The following DNAH2 variants were observed in gnomAD, a reference collection of about 807,000 sequenced individuals.
DNAH2 encodes the protein dynein axonemal heavy chain 2, also known as axonemal beta dynein heavy chain 2.
A neutral mutation model predicts 523.5 loss-of-function variants in DNAH2; 323 were observed. The ratio of observed to expected loss-of-function variants is 0.62; its 90% CI spans 0.56 to 0.68. The LOEUF (loss-of-function observed/expected upper bound fraction) is 0.68. Ranked by LOEUF, DNAH2 falls within the 30% of genes least tolerant of loss-of-function variation. DNAH2 has a pLI of 0.00. For missense variants in DNAH2, 4,907 were observed against 5,701.5 expected, an observed-to-expected ratio of 0.86 and a Z score of 4.49; for synonymous variants, 2,093 against 2,177.4, an observed-to-expected ratio of 0.96 and a Z score of 1.08.
chr17:7,833,565 G>T lies in DNAH2; in HGVS notation c.*32G>T. On this transcript the variant is annotated 3_prime_UTR_variant, in exon 86 of 86. Transcript: ENST00000572933. Reference sequence around the variant, plus strand: ...CTCCTCTTCTCCGCTTGAGAGAGAGGGTCAGGGACTCCAGGAGCTAAGACA... The same window carrying T: ...CTCCTCTTCTCCGCTTGAGAGAGAGTGTCAGGGACTCCAGGAGCTAAGACA... The T allele has an allele frequency of 6.2e-7, 1 of 1,610,194 alleles. No homozygotes were observed. Among genetic ancestry groups the T allele is most frequent in the Non-Finnish European group, 8.5e-7 (1 of 1,179,756 alleles).
chr17:7,788,993 T>C (rs1425837347), intron 44 of DNAH2, among the ~76,000 whole-genome samples: 2 of 152,086 alleles, frequency 1.3e-5, no homozygotes, highest in Non-Finnish European at 2.9e-5. Flanking sequence ...GGTGAAACCC[T>C]GTCTCTACTA....
rs200999523 is a variant in DNAH2 at position 7,786,721 on chromosome 17, C to G, written c.6466+34C>G. On this transcript the variant is annotated intron_variant, in intron 41 of 85. Transcript: ENST00000572933. The surrounding 1 kb of genome is among the most constrained non-coding windows in gnomAD (Gnocchi z 7.5). ...AGGATCGTGGGGTGTGGAGAGCAGA[C>G]GCCTGAGTCTCCTAAGGGGGCAGGG... 2 of 1,607,722 alleles carry G rather than the reference C, an allele frequency of 1.2e-6. No individual in the cohort carries two copies. The highest frequency in any genetic ancestry group is 2.2e-5 in the South Asian group (2 of 90,824).
chr17:7,811,722 G>A (rs1054491456), intron 63 of DNAH2, among the ~76,000 whole-genome samples: 3 of 152,194 alleles, frequency 2.0e-5, no homozygotes, highest in South Asian at 2.1e-4. Context: ...CCCTACCCCC[G>A]TGACCTAATC....
At position 7,760,897 on chromosome 17, in the gene DNAH2, C is replaced by T; in HGVS notation, c.2943C>T (p.Asn981=). 2 of 1,614,190 alleles carry T rather than the reference C, an allele frequency of 1.2e-6. No homozygotes were observed. The highest frequency in any genetic ancestry group is 1.7e-6 in the Non-Finnish European group (2 of 1,180,028). ...TCATTCATCGCTACCAGCGCCTCAA[C>T]CCTCCTGTCTCTTCTTTTGTTGCCG... ...DSFIHRYQRL[N]PPVSSFVADI... The change falls in exon 18 of 86, where the codon AAC becomes AAT. Residue 981 remains asparagine, a synonymous_variant. Transcript: ENST00000572933. The surrounding 1 kb of genome is among the most constrained non-coding windows in gnomAD (Gnocchi z 4.0).
chr17:7,821,268 C>A lies in DNAH2; in HGVS notation c.11041C>A (p.Arg3681Ser), dbSNP rs761347327. The change falls in exon 73 of 86, where the codon CGC becomes AGC. Residue 3681 changes from arginine (R) to serine (S), a missense_variant. This residue lies in a region of DNAH2 where 1,851 missense variants were observed against 2,139.4 expected (regional missense o/e 0.87). Transcript: ENST00000572933. This position sits in a 1 kb window ranked among gnomAD's most constrained non-coding sequence, Gnocchi z 5.0. ...GTACACCTGCCGTACCCTTTTCGAA[C>A]GCCACAAACTACTATTCAGTTTTCA... The part of the protein sequence containing the change: ...YRYTCRTLFE[R>S]HKLLFSFHMC... 6.2e-7 allele frequency: 1 copy of A among 1,613,556 alleles called. No homozygotes were observed. Among genetic ancestry groups the A allele is most frequent in the African/African-American group, 1.3e-5 (1 of 74,892 alleles).
At chr17:7,720,952 G>A (rs1015316708) in intron 2 of DNAH2, among the ~76,000 whole-genome samples, 2 of 150,824 alleles carry the variant, frequency 1.3e-5, no homozygotes, top group East Asian at 1.9e-4. Flanking sequence ...GTTGGCCTTC[G>A]AACAGCAAGG....
rs1197278242 is a variant in DNAH2 at position 7,807,999 on chromosome 17, G to A, written c.9729+413G>A. On this transcript the variant is annotated intron_variant, in intron 63 of 85. Coordinates refer to ENST00000572933, the MANE Select transcript of DNAH2 (RefSeq NM_020877.5). This position sits in a 1 kb window ranked among gnomAD's most constrained non-coding sequence, Gnocchi z 5.6. The stretch of plus-strand genomic sequence containing the variant: ...GTGAGGGTGTCTGTGCATATGTTGT[G>A]TGGGGACGGGCTCTCCCAGAGGCCA... 1.3e-5 allele frequency among the ~76,000 whole-genome samples: 2 copies of A among 152,178 alleles called. No individual in the cohort carries two copies. Among genetic ancestry groups the A allele is most frequent in the Admixed American group, 1.3e-4 (2 of 15,264 alleles).
At chr17:7,751,920 G>GGT (rs1555544367) in intron 12 of DNAH2, among the ~76,000 whole-genome samples, 2,686 of 145,908 alleles carry the variant, frequency 0.018, 31 homozygotes, top group Non-Finnish European at 0.022. Flanking sequence ...ATAGTTGTGG[G>GGT]GTGTGTGTGT....
chr17:7,731,541 T>A (rs2543541), intron 4 of DNAH2, among the ~76,000 whole-genome samples: 87,345 of 151,890 alleles, frequency 0.58, 25,628 homozygotes, highest in South Asian at 0.74. Flanking sequence ...GATTTTAATT[T>A]AATTTTCTAT....
At chr17:7,729,228 T>C (rs1330155571) in intron 4 of DNAH2, among the ~76,000 whole-genome samples, 4 of 151,928 alleles carry the variant, frequency 2.6e-5, no homozygotes, top group East Asian at 1.9e-4. Context: ...CCTGGTTACA[T>C]GGAGTGAACT....
At chr17:7,749,975 C>T (rs761136233) in intron 12 of DNAH2, among the ~76,000 whole-genome samples, 9 of 152,014 alleles carry the variant, frequency 5.9e-5, no homozygotes, top group Admixed American at 3.9e-4. Context: ...GCAGCCTGGG[C>T]GACAGAGCGA....
intron 68 of DNAH2, 97 bp from the exon 69 acceptor site, chr17:7,818,215 G>C: frequency 1.3e-6 from 2 of 1,596,218 alleles, no homozygotes; most frequent in Non-Finnish European, 1.7e-6. Context: ...TGGGGCCTTA[G>C]GACAGGCTGA....
At position 7,740,500 on chromosome 17, in the gene DNAH2, C is replaced by T. The variant is rs1328629145; in HGVS notation, c.1457C>T (p.Pro486Leu). 6 of 1,614,062 alleles carry T rather than the reference C, an allele frequency of 3.7e-6. No individual in the cohort carries two copies. The highest frequency in any genetic ancestry group is 1.7e-5 in the Admixed American group (1 of 60,008). The change falls in exon 10 of 86, where the codon CCG becomes CTG. Residue 486 changes from proline (P) to leucine (L), a missense_variant. Coordinates refer to ENST00000572933, the MANE Select transcript of DNAH2 (RefSeq NM_020877.5). ...TSAFELVRDV[P>L]HGVLLLDTFH... ...GCCTTCGAGTTGGTGCGGGACGTGC[C>T]GCACGGCGTGCTTCTGCTGGACACC...
At position 7,786,251 on chromosome 17, in the gene DNAH2, C is replaced by T. The variant is rs757384180; in HGVS notation, c.6257C>T (p.Thr2086Met). Residue 2086 changes from threonine (T) to methionine (M), a missense_variant, in exon 40 of 86, where the codon ACG becomes ATG. Thr to Met is a moderately conservative substitution (Grantham distance 81). Coordinates refer to ENST00000572933, the MANE Select transcript of DNAH2 (RefSeq NM_020877.5). The surrounding 1 kb of genome is among the most constrained non-coding windows in gnomAD (Gnocchi z 7.5). The part of the protein sequence containing the change: ...SRHSTMIVGC[T>M]GSGKTASWRI... The stretch of plus-strand genomic sequence containing the variant: ...CACTCCACCATGATCGTGGGCTGCA[C>T]GGGCAGCGGCAAGACTGCCTCATGG... The T allele has an allele frequency of 8.7e-6, 14 of 1,613,950 alleles. No homozygotes were observed. Among genetic ancestry groups the T allele is most frequent in the Admixed American group, 1.7e-5 (1 of 59,996 alleles).
At chr17:7,788,323 G>A (rs2076803133) in intron 44 of DNAH2, 79 bp downstream of exon 44, 2 of 1,458,760 alleles carry the variant, frequency 1.4e-6, no homozygotes, top group Admixed American at 2.5e-5. Context: ...GAAACGGCGT[G>A]TCTGAGACAG....
intron 55 of DNAH2, 83 bp from the exon 56 acceptor site, chr17:7,799,020 T>C: frequency 6.5e-7 from 1 of 1,545,152 alleles, no homozygotes; most frequent in East Asian, 2.3e-5. Flanking sequence ...GGGAAACACT[T>C]CGTCAGCCCC....
At chr17:7,777,333 A>T (rs866754404) in intron 32 of DNAH2, 113 bp from the exon 33 acceptor site, 6 of 1,137,176 alleles carry the variant, frequency 5.3e-6, no homozygotes, top group Middle Eastern at 5.9e-4. Flanking sequence ...ACCAGGAGTT[A>T]CAGCAGGTGG....
rs552987809 is a variant in DNAH2 at position 7,809,424 on chromosome 17, T to C, written c.9729+1838T>C. On this transcript the variant is annotated intron_variant, in intron 63 of 85. Transcript: ENST00000572933. ...GTGCAGGGAACTCACCCAGGTTGGG[T>C]GAACGGGGCTTCTCTCTGCACCTCT... Among the ~76,000 whole-genome samples the C allele has an allele frequency of 3.5e-3, 534 of 152,216 alleles. 2 individuals carry two copies. Among genetic ancestry groups the C allele is most frequent in the African/African-American group, 0.012 (501 of 41,542 alleles).
At chr17:7,816,091 C>T (rs189765020) in intron 63 of DNAH2, among the ~76,000 whole-genome samples, 10 of 152,344 alleles carry the variant, frequency 6.6e-5, no homozygotes, top group Non-Finnish European at 1.0e-4. Flanking sequence ...TGAGCCACCA[C>T]GCCCAGCCAG....
Sources: allele counts gnomAD v4.1 joint callset (sites outside exome capture counted in the v4.1 genomes callset), GRCh38; gene constraint gnomAD v4.1.1; regional missense constraint gnomAD v4.1.1; non-coding constraint Gnocchi (gnomAD v3.1); transcripts MANE v1.5; gene names NCBI Gene and HGNC (gene_info 2026-07-23, HGNC 2026-07-21).